Variants in PPIP5K2 observed in about 807,000 individuals in gnomAD.
PPIP5K2 encodes diphosphoinositol pentakisphosphate kinase 2.
Under a neutral mutation model 154.6 loss-of-function variants are expected in PPIP5K2, and 105 were observed. The ratio of observed to expected loss-of-function variants is 0.68; its 90% CI spans 0.58 to 0.80. The LOEUF (loss-of-function observed/expected upper bound fraction) is 0.80, where lower values mean the gene tolerates loss of function less well. Ranked by LOEUF, PPIP5K2 falls within the 30% of genes least tolerant of loss-of-function variation. The pLI, the probability that PPIP5K2 is intolerant of heterozygous loss-of-function variation, is 0.00. For synonymous variants in PPIP5K2, 480 were observed against 490.3 expected (o/e 0.98, Z 0.28); for missense variants, 992 against 1,504.6 (o/e 0.66, Z 5.64).
chr5:103,123,849 T>A (rs1789180436), intron 1 of PPIP5K2, among the ~76,000 whole-genome samples: 2 of 152,228 alleles, frequency 1.3e-5, no homozygotes, highest in African/African-American at 4.8e-5. Flanking sequence ...ATGTTGAAAT[T>A]AATGACTGAA....
intron 1 of PPIP5K2, among the ~76,000 whole-genome samples, chr5:103,122,611 G>A (rs1418491943): frequency 6.6e-6 from 1 of 152,148 alleles, no homozygotes; most frequent in Non-Finnish European, 1.5e-5. Flanking sequence ...TTACCTGGAT[G>A]TACTATTGGT....
At chr5:103,168,422 G>A in intron 19 of PPIP5K2, 127 bp downstream of exon 19, 1 of 675,728 alleles carries the variant, frequency 1.5e-6, no homozygotes, top group Non-Finnish European at 2.5e-6. Context: ...CAGGAAATTA[G>A]GTAATTATGA....
chr5:103,154,186 A>G (rs1393864206), intron 11 of PPIP5K2, among the ~76,000 whole-genome samples: 3 of 152,102 alleles, frequency 2.0e-5, no homozygotes, highest in Admixed American at 6.5e-5. Context: ...AAGGTGTTCT[A>G]TTTAATCTTT....
At chr5:103,148,223 G>A in intron 7 of PPIP5K2, 191 bp downstream of exon 7, 1 of 633,534 alleles carries the variant, frequency 1.6e-6, no homozygotes, top group East Asian at 3.1e-5. Context: ...TAAGAGTAGT[G>A]TTTTTAAATG....
At chr5:103,164,930 A>C (rs1260617536) in intron 17 of PPIP5K2, among the ~76,000 whole-genome samples, 1 of 152,156 alleles carries the variant, frequency 6.6e-6, no homozygotes, top group East Asian at 1.9e-4. Flanking sequence ...ATAGTGGTTT[A>C]GAGCACCAGT....
Position 103,177,921 on chromosome 5 carries a change from G to T in PPIP5K2, c.2695G>T (p.Gly899Cys). ...VELHFSPGAK[G>C]CEEDKNLPSG... is the part of the protein sequence containing the mutation. ...ATTACACTTTAGTCCGGGAGCCAAA[G>T]GTTGTGAAGAAGACAAAAATTTGCC... The change falls in exon 23 of 31, where the codon GGT becomes TGT. Residue 899 changes from glycine (G) to cysteine (C), a missense_variant. By Grantham distance (159) the Gly-to-Cys change is radical. Transcript: ENST00000358359. 1 of 1,613,320 alleles carries T rather than the reference G, an allele frequency of 6.2e-7. No individual in the cohort carries two copies. Among genetic ancestry groups the T allele is most frequent in the Non-Finnish European group, 8.5e-7 (1 of 1,179,416 alleles).
At chr5:103,155,553 A>G (rs995452138) in intron 13 of PPIP5K2, among the ~76,000 whole-genome samples, 1 of 148,822 alleles carries the variant, frequency 6.7e-6, no homozygotes, top group African/African-American at 2.5e-5. Context: ...TCAGCCTCCC[A>G]AGTATCTGGG....
In PPIP5K2 at chr5:103,207,346, T is replaced by C. The variant is rs1208732097; in HGVS notation, c.*5712T>C. The C allele has an allele frequency of 6.6e-6, 1 of 152,100 alleles. No individual in the cohort carries two copies. The highest frequency in any genetic ancestry group is 1.5e-5 in the Non-Finnish European group (1 of 68,010). 9.4% of individuals were successfully genotyped at this position (152,100 alleles called of 1,614,324 possible). Reference sequence around the variant, plus strand: ...GTAAATGTCTTTTGTGAGGGAAGAATTGACCCTAGTTAAGAACCACTGCCC... The same window carrying C: ...GTAAATGTCTTTTGTGAGGGAAGAACTGACCCTAGTTAAGAACCACTGCCC... On this transcript the variant is annotated 3_prime_UTR_variant, in exon 31 of 31. Transcript: ENST00000358359.
rs137975120 is a variant in PPIP5K2, at chr5:103,132,706, C to T, written c.115-747C>T. 2.0e-5 allele frequency among the ~76,000 whole-genome samples: 3 copies of T among 152,322 alleles called. No individual in the cohort carries two copies. In the East Asian group the frequency reaches 5.8e-4, roughly 29 times the overall value. On this transcript the variant is annotated intron_variant, in intron 2 of 30. Coordinates refer to ENST00000358359, the MANE Select transcript of PPIP5K2 (RefSeq NM_001276277.3). ...AAAAATTGAAATGAGAACCTCAACA[C>T]AGCTTTTGTATATTTGATAAAACTC... is the stretch of plus-strand genomic sequence containing the variant.
At chr5:103,136,598 C>G (rs1791542076) in intron 3 of PPIP5K2, 134 bp from the exon 4 acceptor site, 3 of 678,124 alleles carry the variant, frequency 4.4e-6, no homozygotes, top group Admixed American at 4.5e-5. Context: ...TGTATATATT[C>G]CATACCTTTT....
At chr5:103,198,930 G>C (rs1233622274) in intron 30 of PPIP5K2, among the ~76,000 whole-genome samples, 2 of 151,204 alleles carry the variant, frequency 1.3e-5, no homozygotes, top group Non-Finnish European at 2.9e-5. Flanking sequence ...TTTTTCTATG[G>C]ACTTTTGCTG....
chr5:103,145,203 A>T (rs183421143), intron 5 of PPIP5K2, among the ~76,000 whole-genome samples: 27 of 152,308 alleles, frequency 1.8e-4, no homozygotes, highest in Non-Finnish European at 3.2e-4. Flanking sequence ...ATCTGTGATG[A>T]GATATCAACT....
chr5:103,199,602 A>C (rs1802651823), intron 30 of PPIP5K2, among the ~76,000 whole-genome samples: 1 of 151,968 alleles, frequency 6.6e-6, no homozygotes, highest in South Asian at 2.1e-4. Context: ...CAGGTTGACT[A>C]AGGCATATTT....
chr5:103,161,063 C>G (rs1554215540), intron 17 of PPIP5K2, among the ~76,000 whole-genome samples: 2 of 151,464 alleles, frequency 1.3e-5, no homozygotes, highest in Non-Finnish European at 2.9e-5. Flanking sequence ...CACCCATTAA[C>G]TCGTCATTTA....
intron 1 of PPIP5K2, among the ~76,000 whole-genome samples, chr5:103,125,456 A>AG (rs1441153077): frequency 3.8e-5 from 5 of 130,486 alleles, no homozygotes; most frequent in African/African-American, 1.5e-4. Flanking sequence ...TAGCCTGTTC[A>AG]GTTTTTTTTT....
At position 103,140,330 on chromosome 5, in the gene PPIP5K2, A is replaced by G. The variant is rs566086935; in HGVS notation, c.487+1861A>G. On this transcript the variant is annotated intron_variant, in intron 5 of 30. Transcript: ENST00000358359. ...TAGAAGAATATGAAGATTTAACCCA[A>G]ATAAGACTATCTCAAGGCATATATT... Among the ~76,000 whole-genome samples, 4 of 152,272 alleles carry G rather than the reference A, an allele frequency of 2.6e-5. No individual in the cohort carries two copies. The East Asian group carries it at 7.7e-4, about 29-fold the overall frequency.
chr5:103,173,335 T>A, intron 20 of PPIP5K2, 53 bp downstream of exon 20: 1 of 1,561,636 alleles, frequency 6.4e-7, no homozygotes, highest in Non-Finnish European at 8.7e-7. Flanking sequence ...TTTGCATACT[T>A]CAAATTTAAA....
At chr5:103,184,868 A>C (rs1800122244) in intron 26 of PPIP5K2, 124 bp downstream of exon 26, 3 of 620,894 alleles carry the variant, frequency 4.8e-6, no homozygotes, top group Admixed American at 3.1e-5. Flanking sequence ...AATGTGTACT[A>C]ATTCAGAAAT....
At chr5:103,180,526 A>C (rs1554222414) in intron 24 of PPIP5K2, among the ~76,000 whole-genome samples, 1 of 152,028 alleles carries the variant, frequency 6.6e-6, no homozygotes, top group Non-Finnish European at 1.5e-5. Flanking sequence ...TTTTTTTAAA[A>C]GCCTGATTTA....
Sources: allele counts gnomAD v4.1 joint callset (sites outside exome capture counted in the v4.1 genomes callset), GRCh38; gene constraint gnomAD v4.1.1; transcripts MANE v1.5; gene names NCBI Gene and HGNC (gene_info 2026-07-23, HGNC 2026-07-21).